ARG2: variants seen among roughly 807,000 people sequenced by gnomAD.
ARG2 encodes arginase 2, also known as arginase-2, mitochondrial.
In ARG2, 21 loss-of-function variants were observed where a neutral mutation model predicts 39.4. The observed-to-expected ratio is 0.53, with a 90% CI of 0.38 to 0.77. The LOEUF (loss-of-function observed/expected upper bound fraction) is 0.77. Among genes scored for constraint, ARG2 ranks in the 30% least tolerant of loss-of-function variants. The pLI, the probability that ARG2 is intolerant of heterozygous loss-of-function variation, is 0.00. For missense variants in ARG2, 378 were observed against 426.2 expected (o/e 0.89, Z 1.00); for synonymous variants, 150 against 156.7 (o/e 0.96, Z 0.32).
rs1042426671 is a variant in ARG2 at position 67,633,116 on chromosome 14, G to A, written c.185-9070G>A. Among the ~76,000 whole-genome samples, 9 of 152,150 alleles carry A rather than the reference G, an allele frequency of 5.9e-5. No individual in the cohort carries two copies. The East Asian group carries it at 7.7e-4, about 13-fold the overall frequency. On this transcript the variant is annotated intron_variant, in intron 2 of 7. Coordinates refer to ENST00000261783, the MANE Select transcript of ARG2 (RefSeq NM_001172.4). ...ATTACAGGCGTGAGCCACTGCGCCC[G>A]GCCAAGCCTCTTAATTTTTAATTAG...
At chr14:67,648,210 G>GTT in intron 7 of ARG2, 27 bp downstream of exon 7, 1 of 1,604,524 alleles carries the variant, frequency 6.2e-7, no homozygotes, top group Non-Finnish European at 8.5e-7. Flanking sequence ...TCTGCAGCCT[G>GTT]TTAACTACAT....
At chr14:67,621,109 G>A (rs1266902945) in intron 2 of ARG2, 143 bp downstream of exon 2, 6 of 746,564 alleles carry the variant, frequency 8.0e-6, no homozygotes, top group African/African-American at 3.6e-5. Flanking sequence ...TTCCGTCTGC[G>A]GCTTAAGATC....
chr14:67,626,258 G>GA (rs891030735), intron 2 of ARG2, among the ~76,000 whole-genome samples: 2,609 of 146,840 alleles, frequency 0.018, 81 homozygotes, highest in African/African-American at 0.06. Flanking sequence ...TGTCTCAGGG[G>GA]AAAAAAAAAA....
chr14:67,646,604 A>T (rs771166319), intron 4 of ARG2, 40 bp from the exon 5 acceptor site: 42 of 1,497,466 alleles, frequency 2.8e-5, no homozygotes, highest in Non-Finnish European at 3.0e-5. Flanking sequence ...GGTGAGAACA[A>T]GAATTCTTGA....
intron 2 of ARG2, among the ~76,000 whole-genome samples, chr14:67,624,419 T>C (rs968646267): frequency 1.2e-4 from 18 of 151,984 alleles, no homozygotes; most frequent in African/African-American, 4.4e-4. Context: ...AGAAAAGAGG[T>C]TTAATTGACT....
intron 2 of ARG2, among the ~76,000 whole-genome samples, chr14:67,636,795 A>G (rs568390450): frequency 4.1e-4 from 62 of 152,370 alleles, no homozygotes; most frequent in African/African-American, 1.4e-3. Context: ...GTGAAAAATG[A>G]GACCCTTTCA....
At chr14:67,644,638 G>A (rs1028848559) in intron 3 of ARG2, among the ~76,000 whole-genome samples, 6 of 152,182 alleles carry the variant, frequency 3.9e-5, no homozygotes, top group Non-Finnish European at 8.8e-5. Context: ...AATTGAGACA[G>A]AACAGTTGGC....
At chr14:67,635,168 TGA>T (rs2036959012) in intron 2 of ARG2, among the ~76,000 whole-genome samples, 1 of 152,168 alleles carries the variant, frequency 6.6e-6, no homozygotes, top group Admixed American at 6.5e-5. Context: ...TGCTTGAGCC[TGA>T]GAGGTTGAGG....
Position 67,651,588 on chromosome 14 carries a change from GTT to G in ARG2, c.*670_*671del. On this transcript the variant is annotated 3_prime_UTR_variant, in exon 8 of 8. Coordinates refer to ENST00000261783, the MANE Select transcript of ARG2 (RefSeq NM_001172.4). ...ACGGCTGGATACTCTGAGGCTGTAT[GTT>G]TGATCACACAGCCACTTAGCAGGAA... 3.1e-6 allele frequency: 4 copies of G among 1,271,758 alleles called. No homozygotes were observed. The highest frequency in any genetic ancestry group is 4.3e-6 in the Non-Finnish European group (4 of 932,430). 78.8% of individuals were successfully genotyped at this position (1,271,758 alleles called of 1,614,324 possible).
Position 67,651,484 on chromosome 14 carries a change from A to G in ARG2, c.*564A>G. 6 of 1,613,508 alleles carry G rather than the reference A, an allele frequency of 3.7e-6. No homozygotes were observed. Among genetic ancestry groups the G allele is most frequent in the Non-Finnish European group, 5.1e-6 (6 of 1,179,538 alleles). On this transcript the variant is annotated 3_prime_UTR_variant, in exon 8 of 8. Coordinates refer to ENST00000261783, the MANE Select transcript of ARG2 (RefSeq NM_001172.4). ...GCAGCAGCTTGTTGGTTGTCACTCT[A>G]CAAAGAGAAGCAAAGTGGGGAGTAG... is the stretch of plus-strand genomic sequence containing the variant.
Position 67,645,733 on chromosome 14 carries a change from C to G in ARG2, c.453C>G (p.Pro151=). The G allele has an allele frequency of 6.2e-7, 1 of 1,614,060 alleles. No homozygotes were observed. The highest frequency in any genetic ancestry group is 1.1e-5 in the South Asian group (1 of 91,078). The change falls in exon 4 of 8, where the codon CCC becomes CCG. Residue 151 remains proline, a synonymous_variant. Coordinates refer to ENST00000261783, the MANE Select transcript of ARG2 (RefSeq NM_001172.4). ...ATGCCCATGCTGACATCAACACACC[C>G]CTTACCACTTCATCAGGAAATCTCC... ...WVDAHADINT[P]LTTSSGNLHG... is the part of the protein sequence containing the mutation.
intron 2 of ARG2, 72 bp downstream of exon 2, chr14:67,621,038 C>A: frequency 1.4e-6 from 2 of 1,383,204 alleles, no homozygotes; most frequent in Non-Finnish European, 2.1e-6. Flanking sequence ...TCTCTGACAT[C>A]CAGGGACTAC....
At chr14:67,632,554 A>T (rs995102066) in intron 2 of ARG2, among the ~76,000 whole-genome samples, 1 of 152,052 alleles carries the variant, frequency 6.6e-6, no homozygotes, top group African/African-American at 2.4e-5. Flanking sequence ...CACCATTTGT[A>T]CCCAGGGGAG....
In ARG2 at chr14:67,621,083, C is replaced by T. The variant is rs1406778701; in HGVS notation, c.184+117C>T. The T allele has an allele frequency of 4.0e-5, 37 of 930,352 alleles. No homozygotes were observed. The East Asian group carries it at 7.7e-4, about 19-fold the overall frequency. 57.6% of individuals were successfully genotyped at this position (930,352 alleles called of 1,614,324 possible). On this transcript the variant is annotated intron_variant, in intron 2 of 7. Transcript: ENST00000261783. ...TGTTTGGGAACAGTCTGCCACATCC[C>T]GCATCCTCCTTTGGATTCCGTCTGC... is the stretch of plus-strand genomic sequence containing the variant.
intron 2 of ARG2, among the ~76,000 whole-genome samples, chr14:67,640,437 C>T (rs552352985): frequency 6.6e-6 from 1 of 152,290 alleles, no homozygotes; most frequent in Admixed American, 6.5e-5. Flanking sequence ...GGTGGCAATT[C>T]CTTGGTTGGC....
chr14:67,626,934 A>T (rs1384624327), intron 2 of ARG2, among the ~76,000 whole-genome samples: 2 of 152,224 alleles, frequency 1.3e-5, no homozygotes, highest in Non-Finnish European at 2.9e-5. Flanking sequence ...GGATGAACCT[A>T]GAAAACATGC....
At chr14:67,635,801 A>C (rs1008002274) in intron 2 of ARG2, among the ~76,000 whole-genome samples, 1 of 152,222 alleles carries the variant, frequency 6.6e-6, no homozygotes, top group Non-Finnish European at 1.5e-5. Flanking sequence ...GCAGTGAGCC[A>C]AGATCACGCC....
chr14:67,626,393 T>C (rs546133138), intron 2 of ARG2, among the ~76,000 whole-genome samples: 1 of 152,354 alleles, frequency 6.6e-6, no homozygotes, highest in South Asian at 2.1e-4. Context: ...CTGGTGTGAA[T>C]GTAAAACTGC....
intron 3 of ARG2, among the ~76,000 whole-genome samples, chr14:67,644,834 TAAAAA>T (rs2037075891): frequency 6.6e-6 from 1 of 151,894 alleles, no homozygotes; most frequent in Admixed American, 6.6e-5. Context: ...CCATCTTTAC[TAAAAA>T]TACAAAAAAT....
Sources: allele counts gnomAD v4.1 joint callset (sites outside exome capture counted in the v4.1 genomes callset), GRCh38; gene constraint gnomAD v4.1.1; transcripts MANE v1.5; gene names NCBI Gene and HGNC (gene_info 2026-07-23, HGNC 2026-07-21).